PARD3B: variants seen among roughly 807,000 people sequenced by gnomAD.
PARD3B encodes par-3 family cell polarity regulator beta, also known as partitioning defective 3 homolog B.
A neutral mutation model predicts 130.2 loss-of-function variants in PARD3B; 103 were observed. The ratio of observed to expected loss-of-function variants is 0.79; its 90% CI spans 0.67 to 0.93. The LOEUF (loss-of-function observed/expected upper bound fraction) is 0.93. Ranked by LOEUF, PARD3B falls within the 40% of genes least tolerant of loss-of-function variation. The pLI, the probability that PARD3B is intolerant of heterozygous loss-of-function variation, is 0.00. For missense variants in PARD3B, 1,609 were observed against 1,499.2 expected (o/e 1.07, Z -1.21); for synonymous variants, 583 against 553.2 (o/e 1.05, Z -0.76).
At chr2:205,233,997 C>G (rs1375975667) in intron 15 of PARD3B, among the ~76,000 whole-genome samples, 1 of 151,958 alleles carries the variant, frequency 6.6e-6, no homozygotes, top group Non-Finnish European at 1.5e-5. Context: ...AAAGAACACT[C>G]TAATAATAAT....
rs372974220 is a variant in PARD3B, at chr2:205,292,931, C to A, written c.2186-7599C>A. On this transcript the variant is annotated intron_variant, in intron 16 of 22. Transcript: ENST00000406610. The surrounding 1 kb of genome is among the most constrained non-coding windows in gnomAD (Gnocchi z 5.3). ...AACAGCTGACTTGATTTTGGCTTGA[C>A]ATTTTAACATTAGATTGAAACCTTG... is the stretch of plus-strand genomic sequence containing the variant. 6.6e-6 allele frequency among the ~76,000 whole-genome samples: 1 copy of A among 152,140 alleles called. No homozygotes were observed. Among genetic ancestry groups the A allele is most frequent in the African/African-American group, 2.4e-5 (1 of 41,424 alleles).
At chr2:205,221,937 C>G (rs1025738085) in intron 15 of PARD3B, among the ~76,000 whole-genome samples, 8 of 151,978 alleles carry the variant, frequency 5.3e-5, no homozygotes, top group African/African-American at 9.7e-5. Flanking sequence ...GAACAACACA[C>G]TCTGGGGCCT....
chr2:205,557,493 C>T (rs1478703084), intron 22 of PARD3B, among the ~76,000 whole-genome samples: 1 of 152,202 alleles, frequency 6.6e-6, no homozygotes, highest in East Asian at 1.9e-4. Context: ...CTCACACACG[C>T]TTCCCAAGGG....
intron 18 of PARD3B, among the ~76,000 whole-genome samples, chr2:205,362,719 GA>G (rs1360250512): frequency 6.6e-6 from 1 of 152,120 alleles, no homozygotes; most frequent in African/African-American, 2.4e-5. Context: ...TAAATTCTGC[GA>G]GATTGGTAAG....
intron 2 of PARD3B, among the ~76,000 whole-genome samples, chr2:204,820,588 G>A (rs1296411469): frequency 6.6e-6 from 1 of 151,758 alleles, no homozygotes; most frequent in African/African-American, 2.4e-5. Flanking sequence ...GCTGAGGCAG[G>A]CAGATCACTT....
chr2:204,757,742 A>G (rs1266097801), intron 2 of PARD3B, among the ~76,000 whole-genome samples: 3 of 152,098 alleles, frequency 2.0e-5, no homozygotes, highest in Non-Finnish European at 4.4e-5. Flanking sequence ...TTTTTAAACA[A>G]AAGATTGGTG....
At chr2:204,883,421 T>C (rs1404497654) in intron 2 of PARD3B, among the ~76,000 whole-genome samples, 1 of 117,594 alleles carries the variant, frequency 8.5e-6, no homozygotes, top group Admixed American at 8.6e-5. Context: ...ATATATAATA[T>C]ATATATATAT....
intron 3 of PARD3B, among the ~76,000 whole-genome samples, chr2:204,997,451 A>C (rs1446819519): frequency 6.6e-6 from 1 of 152,124 alleles, no homozygotes; most frequent in Non-Finnish European, 1.5e-5. Context: ...CTCTTCATAA[A>C]GTTTTTGTAC....
chr2:205,494,413 T>C (rs1159692446), intron 20 of PARD3B, among the ~76,000 whole-genome samples: 1 of 152,160 alleles, frequency 6.6e-6, no homozygotes, highest in Non-Finnish European at 1.5e-5. Context: ...CTGGTCCTGA[T>C]CCAGAATGTG....
chr2:204,576,964 G>A (rs186070420), intron 1 of PARD3B, among the ~76,000 whole-genome samples: 65 of 152,218 alleles, frequency 4.3e-4, no homozygotes, highest in African/African-American at 1.5e-3. Flanking sequence ...CTAAGCTAGG[G>A]CATTGACTTC....
At chr2:204,652,324 T>G (rs1308786036) in intron 1 of PARD3B, among the ~76,000 whole-genome samples, 2 of 152,176 alleles carry the variant, frequency 1.3e-5, no homozygotes, top group East Asian at 1.9e-4. Context: ...CCAGGTCACA[T>G]TGTAAATGCT....
At chr2:204,813,529 G>C (rs758209874) in intron 2 of PARD3B, among the ~76,000 whole-genome samples, 5 of 151,962 alleles carry the variant, frequency 3.3e-5, no homozygotes, top group African/African-American at 9.7e-5. Context: ...TTATTTTCAT[G>C]ATGTTCAATT....
At position 205,226,122 on chromosome 2, in the gene PARD3B, A is replaced by G. The variant is rs140404308; in HGVS notation, c.2141-19656A>G. Among the ~76,000 whole-genome samples, 82 of 152,308 alleles carry G rather than the reference A, an allele frequency of 5.4e-4. 1 individual carries two copies. The highest frequency in any genetic ancestry group is 2.1e-3 in the Admixed American group (32 of 15,304). On this transcript the variant is annotated intron_variant, in intron 15 of 22. Transcript: ENST00000406610. ...AGTGGCACAATCTCTGCTCACTGCA[A>G]GCTCCGCCTCCCGGGTTCACACCAT...
At chr2:204,950,881 C>CT (rs140019991) in intron 2 of PARD3B, among the ~76,000 whole-genome samples, 6,134 of 152,272 alleles carry the variant, frequency 0.04, 190 homozygotes, top group African/African-American at 0.085. Context: ...GCATACAACT[C>CT]TGTCTTCTCA....
chr2:205,447,503 G>A (rs755058387), intron 20 of PARD3B, among the ~76,000 whole-genome samples: 30 of 152,086 alleles, frequency 2.0e-4, no homozygotes, highest in African/African-American at 5.3e-4. Flanking sequence ...TCAGCCTCCC[G>A]AGTAGCTGGG....
intron 2 of PARD3B, among the ~76,000 whole-genome samples, chr2:204,900,194 A>G (rs11896131): frequency 0.067 from 10,192 of 152,010 alleles, 371 homozygotes; most frequent in Middle Eastern, 0.099. Context: ...CTTTGAATAA[A>G]TTTTCTATCC....
chr2:204,799,138 A>G lies in PARD3B; in HGVS notation c.222+112856A>G, dbSNP rs2042476277. ...CCTGCTATGGGCCAGACGGGAGCCC[A>G]CTACCCTGAAGGGAGAGACCCAGAC... On this transcript the variant is annotated intron_variant, in intron 2 of 22. Coordinates refer to ENST00000406610, the MANE Select transcript of PARD3B (RefSeq NM_001302769.2). This position sits in a 1 kb window ranked among gnomAD's most constrained non-coding sequence, Gnocchi z 4.1. Among the ~76,000 whole-genome samples, 1 of 152,074 alleles carries G rather than the reference A, an allele frequency of 6.6e-6. No homozygotes were observed. The highest frequency in any genetic ancestry group is 1.5e-5 in the Non-Finnish European group (1 of 68,006).
intron 2 of PARD3B, among the ~76,000 whole-genome samples, chr2:204,706,571 G>T: frequency 6.6e-6 from 1 of 151,960 alleles, no homozygotes; most frequent in East Asian, 1.9e-4. Context: ...TTTCTTCAAA[G>T]ACAGGAGAAA....
Position 205,244,545 on chromosome 2 carries a change from A to C in PARD3B, c.2141-1233A>C, listed in dbSNP as rs1301996618. ...ACTAGCCTCATAGAGTGGCTTGGGA[A>C]ATCCTCTCTCTTTCTAATACATTTT... On this transcript the variant is annotated intron_variant, in intron 15 of 22. Transcript: ENST00000406610. The surrounding 1 kb of genome is among the most constrained non-coding windows in gnomAD (Gnocchi z 4.7). Among the ~76,000 whole-genome samples the C allele has an allele frequency of 6.6e-6, 1 of 152,180 alleles. No homozygotes were observed. Among genetic ancestry groups the C allele is most frequent in the Non-Finnish European group, 1.5e-5 (1 of 68,024 alleles).
Sources: allele counts gnomAD v4.1 joint callset (sites outside exome capture counted in the v4.1 genomes callset), GRCh38; gene constraint gnomAD v4.1.1; non-coding constraint Gnocchi (gnomAD v3.1); transcripts MANE v1.5; gene names NCBI Gene and HGNC (gene_info 2026-07-23, HGNC 2026-07-21).